FILIP1L: variants seen among roughly 807,000 people sequenced by gnomAD.
The protein encoded by FILIP1L is filamin A-interacting protein 1-like.
FILIP1L carries 55 observed loss-of-function variants against 96.6 expected under a neutral mutation model. The ratio of observed to expected loss-of-function variants is 0.57; its 90% CI spans 0.46 to 0.71. The LOEUF (loss-of-function observed/expected upper bound fraction) is 0.71. FILIP1L is among the 30% of genes least tolerant of loss of function. The probability of loss-of-function intolerance (pLI) is 0.00; values close to 1 mark genes in which losing one functional copy is unlikely to be tolerated. For missense variants in FILIP1L, 1,304 were observed against 1,321.2 expected, an observed-to-expected ratio of 0.99 and a Z score of 0.20; for synonymous variants, 467 against 473.9, an observed-to-expected ratio of 0.99 and a Z score of 0.19.
At chr3:99,909,410 G>T (rs1439626129) in intron 4 of FILIP1L, among the ~76,000 whole-genome samples, 1 of 152,116 alleles carries the variant, frequency 6.6e-6, no homozygotes, top group African/African-American at 2.4e-5. Context: ...CAGGTGAGGG[G>T]GTCTGGGGTG....
intron 4 of FILIP1L, among the ~76,000 whole-genome samples, chr3:99,858,178 C>T (rs769781335): frequency 2.0e-5 from 3 of 152,216 alleles, no homozygotes; most frequent in South Asian, 4.1e-4. Context: ...TAAAAATACT[C>T]ATTAGTGCCA....
In FILIP1L at chr3:99,987,236, GA is replaced by G. The variant is rs1227204798; in HGVS notation, c.-10-56207del. On this transcript the variant is annotated intron_variant, in intron 1 of 5. Transcript: ENST00000477258. ...AGAGTAAGACCCTGTCTCTTAAGGG[GA>G]AAAAAAAAAGGCCAGGCACAGTGGC... Among the ~76,000 whole-genome samples, 571 of 107,860 alleles carry G rather than the reference GA, an allele frequency of 5.3e-3. 7 individuals are homozygous for G. The highest frequency in any genetic ancestry group is 0.019 in the African/African-American group (542 of 28,420). The allele number at this position is 107,860 out of a possible 152,430, so 70.8% of individuals were successfully genotyped here.
intron 1 of FILIP1L, among the ~76,000 whole-genome samples, chr3:99,933,934 G>A (rs911787495): frequency 6.6e-6 from 1 of 152,200 alleles, no homozygotes; most frequent in African/African-American, 2.4e-5. Flanking sequence ...CAATGGCTCA[G>A]AATTCTGTGG....
intron 1 of FILIP1L, among the ~76,000 whole-genome samples, chr3:100,000,745 A>G (rs1709818606): frequency 6.6e-6 from 1 of 152,180 alleles, no homozygotes; most frequent in Non-Finnish European, 1.5e-5. Context: ...TCTAACCCCT[A>G]TTCCCCAGGA....
chr3:99,848,158 C>T (rs1180650269), intron 5 of FILIP1L, 137 bp downstream of exon 5: 29 of 1,528,042 alleles, frequency 1.9e-5, no homozygotes, highest in Non-Finnish European at 2.5e-5. Flanking sequence ...ATAGTTCATG[C>T]ACAAACCTTC....
At chr3:100,021,111 G>A (rs948612592) in intron 1 of FILIP1L, among the ~76,000 whole-genome samples, 5 of 152,110 alleles carry the variant, frequency 3.3e-5, no homozygotes, top group Non-Finnish European at 5.9e-5. Context: ...TTTCAAGGCC[G>A]GTCAATTGCC....
intron 1 of FILIP1L, among the ~76,000 whole-genome samples, chr3:100,052,716 A>G (rs573151904): frequency 1.3e-5 from 2 of 152,246 alleles, no homozygotes; most frequent in South Asian, 4.1e-4. Flanking sequence ...CTAAAATTTT[A>G]CAAAGGCAAG....
intron 1 of FILIP1L, among the ~76,000 whole-genome samples, chr3:99,987,072 A>G (rs1472598522): frequency 6.6e-6 from 1 of 151,800 alleles, no homozygotes; most frequent in Non-Finnish European, 1.5e-5. Flanking sequence ...CTACAAAAAA[A>G]TACAAAAATT....
chr3:99,849,158 C>A lies in FILIP1L; in HGVS notation c.2518G>T (p.Asp840Tyr). Residue 840 changes from aspartate to tyrosine, a missense_variant, in exon 5 of 6, where the codon GAT (aspartate) becomes TAT (tyrosine). Coordinates refer to ENST00000477258, the MANE Select transcript of FILIP1L (RefSeq NM_001387850.1). Reference protein sequence around the residue: ...ESENQDEDPNDEGSVLSFKCS... With the variant: ...ESENQDEDPNYEGSVLSFKCS... ...TTGAAGGACAGCACAGATCCCTCAT[C>A]ATTAGGGTCCTCGTCTTGATTCTCA... is the stretch of plus-strand genomic sequence containing the variant. The A allele has an allele frequency of 6.2e-7, 1 of 1,614,172 alleles. No homozygotes were observed. Among genetic ancestry groups the A allele is most frequent in the Non-Finnish European group, 8.5e-7 (1 of 1,180,034 alleles).
Position 99,930,981 on chromosome 3 carries a change from T to C in FILIP1L, c.40A>G (p.Lys14Glu). 1.9e-6 allele frequency: 3 copies of C among 1,613,922 alleles called. No individual in the cohort carries two copies. The highest frequency in any genetic ancestry group is 2.5e-6 in the Non-Finnish European group (3 of 1,179,964). ...RGSDTEGSAQ[K>E]KFPRHTKGHS... is the part of the protein sequence containing the mutation. ...CCTTTAGTATGTCTTGGAAATTTCT[T>C]TTGGGCTGAGCCCTCGGTATCACTG... The change falls in exon 2 of 6, where the codon AAG becomes GAG. Residue 14 changes from lysine to glutamate, a missense_variant. Lys to Glu is a moderately conservative substitution (Grantham distance 56). Transcript: ENST00000477258.
At chr3:100,018,327 C>T (rs1559727107) in intron 1 of FILIP1L, among the ~76,000 whole-genome samples, 1 of 151,758 alleles carries the variant, frequency 6.6e-6, no homozygotes, top group African/African-American at 2.4e-5. Context: ...ACTCCATCTC[C>T]AAACAGAAAA....
At chr3:99,983,389 A>AATAAATAAATAAATATAT (rs1302972402) in intron 1 of FILIP1L, among the ~76,000 whole-genome samples, 1 of 40,788 alleles carries the variant, frequency 2.5e-5, no homozygotes, top group African/African-American at 1.0e-4. Context: ...TAAATAAATA[A>AATAAATAAATAAATATAT]ATATATATAT....
chr3:99,999,956 C>A (rs1249819812), intron 1 of FILIP1L, among the ~76,000 whole-genome samples: 1 of 152,156 alleles, frequency 6.6e-6, no homozygotes, highest in Non-Finnish European at 1.5e-5. Context: ...TATCTCTAGA[C>A]TCTAGAACAG....
At chr3:100,074,408 T>C (rs570998918) in intron 1 of FILIP1L, among the ~76,000 whole-genome samples, 1 of 152,316 alleles carries the variant, frequency 6.6e-6, no homozygotes, top group South Asian at 2.1e-4. Context: ...CTTTGAAATC[T>C]GTTTTCCAGA....
At chr3:99,846,521 G>C (rs1023391486) in intron 5 of FILIP1L, among the ~76,000 whole-genome samples, 9 of 152,158 alleles carry the variant, frequency 5.9e-5, no homozygotes, top group Non-Finnish European at 1.0e-4. Context: ...TAAACATTTA[G>C]ACCATCATGT....
intron 1 of FILIP1L, among the ~76,000 whole-genome samples, chr3:99,947,106 C>A (rs1174500327): frequency 1.5e-5 from 2 of 131,442 alleles, no homozygotes; most frequent in African/African-American, 3.1e-5. Context: ...CCACTGCACT[C>A]CAGCCTGGGC....
In FILIP1L at chr3:99,932,497, T is replaced by C. The variant is rs911135448; in HGVS notation, c.-10-1467A>G. 2.0e-5 allele frequency among the ~76,000 whole-genome samples: 3 copies of C among 152,194 alleles called. No individual in the cohort carries two copies. In the East Asian group the frequency reaches 5.8e-4, roughly 29 times the overall value. ...CTGTTTTTGAATATTTTTTTTTCAG[T>C]ATTCAAAAAAATGCTACTTCAAACA... On this transcript the variant is annotated intron_variant, in intron 1 of 5. Transcript: ENST00000477258.
intron 1 of FILIP1L, among the ~76,000 whole-genome samples, chr3:99,974,688 CAA>C (rs772879911): frequency 7.9e-5 from 12 of 152,064 alleles, no homozygotes; most frequent in East Asian, 1.9e-4. Flanking sequence ...GCCTGAGTAA[CAA>C]GAGCGAAACT....
chr3:100,069,951 G>A (rs892729962), intron 1 of FILIP1L, among the ~76,000 whole-genome samples: 1 of 152,066 alleles, frequency 6.6e-6, no homozygotes, highest in African/African-American at 2.4e-5. Context: ...TCAAGTCTAT[G>A]GTACATTAAG....
Sources: gnomAD v4.1 joint callset for allele counts (sites outside exome capture counted in the v4.1 genomes callset) on GRCh38, gnomAD v4.1.1 for gene constraint, MANE v1.5 for transcripts, NCBI Gene and HGNC (gene_info 2026-07-23, HGNC 2026-07-21) for gene names.